The following ADAMTS15 variants were observed in gnomAD, a reference collection of about 807,000 sequenced individuals.
ADAMTS15 encodes ADAM metallopeptidase with thrombospondin type 1 motif 15, also known as A disintegrin and metalloproteinase with thrombospondin motifs 15.
A neutral mutation model predicts 79.1 loss-of-function variants in ADAMTS15; 35 were observed. The ratio of observed to expected loss-of-function variants is 0.44; its 90% CI spans 0.34 to 0.59. ADAMTS15 has a LOEUF of 0.59. ADAMTS15 is among the 20% of genes least tolerant of loss of function. The pLI, the probability that ADAMTS15 is intolerant of heterozygous loss-of-function variation, is 0.02. For missense variants in ADAMTS15, 1,324 were observed against 1,318.7 expected (o/e 1.00, Z -0.06); for synonymous variants, 616 against 567.3 (o/e 1.09, Z -1.22).
intron 1 of ADAMTS15, among the ~76,000 whole-genome samples, chr11:130,453,841 T>C (rs1592143900): frequency 1.3e-5 from 2 of 152,214 alleles, no homozygotes; most frequent in South Asian, 4.1e-4. Flanking sequence ...CAAGAAATTT[T>C]TCCATGTCCT....
rs1938476572 is a variant in ADAMTS15 at position 130,472,341 on chromosome 11, G to A, written c.2079-706G>A. On this transcript the variant is annotated intron_variant, in intron 7 of 7. Transcript: ENST00000299164. This position sits in a 1 kb window ranked among gnomAD's most constrained non-coding sequence, Gnocchi z 4.7. Reference sequence around the variant, plus strand: ...TCTGGGAGCTCGGGCACCAGGGACGGATGGCATTCCAGGCTGTGCTTTGCA... The same window carrying A: ...TCTGGGAGCTCGGGCACCAGGGACGAATGGCATTCCAGGCTGTGCTTTGCA... Among the ~76,000 whole-genome samples, 2 of 152,218 alleles carry A rather than the reference G, an allele frequency of 1.3e-5. No individual in the cohort carries two copies. The highest frequency in any genetic ancestry group is 4.1e-4 in the South Asian group (2 of 4,834).
rs191965698 is a variant in ADAMTS15, at chr11:130,472,673, G to A, written c.2079-374G>A. ...CTGGGATGGTGGACTTACTCCTCCC[G>A]CCCCACCCCTCCTCCTCCTCCTCCT... On this transcript the variant is annotated intron_variant, in intron 7 of 7. Transcript: ENST00000299164. The surrounding 1 kb of genome is among the most constrained non-coding windows in gnomAD (Gnocchi z 4.7). 7.1e-6 allele frequency among the ~76,000 whole-genome samples: 1 copy of A among 141,752 alleles called. No homozygotes were observed. 93.0% of individuals were successfully genotyped at this position (141,752 alleles called of 152,430 possible).
At position 130,448,921 on chromosome 11, in the gene ADAMTS15, G is replaced by A. The variant is rs181223022; in HGVS notation, c.-53G>A. On this transcript the variant is annotated 5_prime_UTR_variant, in exon 1 of 8. Coordinates refer to ENST00000299164, the MANE Select transcript of ADAMTS15 (RefSeq NM_139055.4). ...CTGCACGGAGACCGCGGCAGCGGCC[G>A]GAGAGCCCGGCCCAGCCCCTTCCCA... The A allele has an allele frequency of 0.017, 22,829 of 1,363,430 alleles. 231 individuals are homozygous for A. Among genetic ancestry groups the A allele is most frequent in the Non-Finnish European group, 0.02 (21,002 of 1,041,244 alleles). 84.5% of individuals were successfully genotyped at this position (1,363,430 alleles called of 1,614,324 possible). A position where few individuals can be genotyped will look rare whatever the true frequency, so the allele number is the denominator to read the frequency against.
At chr11:130,452,970 G>C (rs1937994993) in intron 1 of ADAMTS15, among the ~76,000 whole-genome samples, 1 of 130,514 alleles carries the variant, frequency 7.7e-6, no homozygotes, top group African/African-American at 3.2e-5. Context: ...ACAGAGTGAG[G>C]CTCTGTCTCA....
In ADAMTS15 at chr11:130,448,743, A is replaced by G. The variant is rs1192086537; in HGVS notation, c.-231A>G. 6.6e-6 allele frequency among the ~76,000 whole-genome samples: 1 copy of G among 152,154 alleles called. No individual in the cohort carries two copies. The highest frequency in any genetic ancestry group is 1.5e-5 in the Non-Finnish European group (1 of 68,030). ...TTGCACTTGACAGCGATTGTACTTA[A>G]GCTCCCAGGGCGCGCTTTGCTTGGA... On this transcript the variant is annotated 5_prime_UTR_variant, in exon 1 of 8. Transcript: ENST00000299164.
chr11:130,455,212 T>C (rs1938051558), intron 1 of ADAMTS15, among the ~76,000 whole-genome samples: 2 of 152,210 alleles, frequency 1.3e-5, no homozygotes. Flanking sequence ...CCCCCAGTTA[T>C]GGTAGTTATT....
chr11:130,474,907 A>C lies in ADAMTS15; in HGVS notation c.*1086A>C, dbSNP rs540577059. ...TGCCTAGGAGGGCTAGGTGCTGAAC[A>C]TCTATGTGCCTATAAACTCGTCTTC... On this transcript the variant is annotated 3_prime_UTR_variant, in exon 8 of 8. Coordinates refer to ENST00000299164, the MANE Select transcript of ADAMTS15 (RefSeq NM_139055.4). 1.3e-5 allele frequency: 2 copies of C among 152,350 alleles called. No individual in the cohort carries two copies. The highest frequency in any genetic ancestry group is 2.9e-5 in the Non-Finnish European group (2 of 68,132). 9.4% of individuals were successfully genotyped at this position (152,350 alleles called of 1,614,324 possible). A position where few individuals can be genotyped will look rare whatever the true frequency, so the allele number is the denominator to read the frequency against.
intron 5 of ADAMTS15, among the ~76,000 whole-genome samples, chr11:130,470,224 A>T (rs1386562600): frequency 1.2e-4 from 15 of 128,374 alleles, no homozygotes; most frequent in Admixed American, 2.5e-4. Context: ...ATATATATAT[A>T]TTTTCTGAGG....
Position 130,449,601 on chromosome 11 carries a change from G to A in ADAMTS15, c.628G>A (p.Ala210Thr), listed in dbSNP as rs1937917861. ...ESRSRRRSGRAKRFVSIPRYV... is the reference protein window; with the variant it reads ...ESRSRRRSGRTKRFVSIPRYV... ...TCGTAGCCGGCGCAGGTCTGGGCGC[G>A]CCAAGCGTTTCGTGTCTATCCCGCG... Residue 210 changes from alanine (A) to threonine (T), a missense_variant, in exon 1 of 8, where the codon GCC (alanine) becomes ACC (threonine). Transcript: ENST00000299164. The surrounding 1 kb of genome is among the most constrained non-coding windows in gnomAD (Gnocchi z 7.8). 2 of 1,603,714 alleles carry A rather than the reference G, an allele frequency of 1.2e-6. No homozygotes were observed. The highest frequency in any genetic ancestry group is 2.3e-5 in the East Asian group (1 of 44,408).
Position 130,455,373 on chromosome 11 carries a change from A to G in ADAMTS15, c.957+5443A>G, listed in dbSNP as rs563376956. 8.5e-5 allele frequency among the ~76,000 whole-genome samples: 13 copies of G among 152,268 alleles called. No homozygotes were observed. In the South Asian group the frequency reaches 2.3e-3, roughly 27 times the overall value. ...TCAAGTATGCTTAACATTTGGTCCA[A>G]TTTTTGTATGGAAGCTATGGACATC... On this transcript the variant is annotated intron_variant, in intron 1 of 7. Coordinates refer to ENST00000299164, the MANE Select transcript of ADAMTS15 (RefSeq NM_139055.4).
chr11:130,452,604 T>G (rs1937988216), intron 1 of ADAMTS15, among the ~76,000 whole-genome samples: 1 of 152,248 alleles, frequency 6.6e-6, no homozygotes, highest in Non-Finnish European at 1.5e-5. Flanking sequence ...ATTCATTTAT[T>G]TGTACACTCT....
rs1937928211 is a variant in ADAMTS15 at position 130,449,923 on chromosome 11, C to T, written c.950C>T (p.Thr317Ile). 1.9e-6 allele frequency: 3 copies of T among 1,598,618 alleles called. No homozygotes were observed. Among genetic ancestry groups the T allele is most frequent in the African/African-American group, 2.7e-5 (2 of 74,928 alleles). The change falls in exon 1 of 8, where the codon ACC becomes ATC. Residue 317 changes from threonine (T) to isoleucine (I), a missense_variant. Physicochemically the swap from Thr to Ile is moderately conservative, Grantham distance 89 (BLOSUM62 -1). Coordinates refer to ENST00000299164, the MANE Select transcript of ADAMTS15 (RefSeq NM_139055.4). The surrounding 1 kb of genome is among the most constrained non-coding windows in gnomAD (Gnocchi z 7.8). The stretch of plus-strand genomic sequence containing the variant: ...TACTGGGACACTGCCATCCTCTTCA[C>T]CAGGCAGGTGAGTTGATCTGCCGTC... The part of the protein sequence containing the change: ...PEYWDTAILF[T>I]RQDLCGATTC...
chr11:130,449,235 C>A lies in ADAMTS15; in HGVS notation c.262C>A (p.Leu88Ile). The A allele has an allele frequency of 6.2e-7, 1 of 1,613,922 alleles. No individual in the cohort carries two copies. Reference protein sequence around the residue: ...AFSTEHLGVPLQGLTGGSSDL... With the variant: ...AFSTEHLGVPIQGLTGGSSDL... ...CTCCACTGAGCATCTGGGCGTCCCC[C>A]TCCAGGGGCTCACCGGGGGCTCTTC... Residue 88 changes from leucine to isoleucine, a missense_variant, in exon 1 of 8, where the codon CTC (leucine) becomes ATC (isoleucine). By Grantham distance (5) the Leu-to-Ile change is conservative. Coordinates refer to ENST00000299164, the MANE Select transcript of ADAMTS15 (RefSeq NM_139055.4). The surrounding 1 kb of genome is among the most constrained non-coding windows in gnomAD (Gnocchi z 7.8).
intron 7 of ADAMTS15, 39 bp downstream of exon 7, chr11:130,471,422 G>A (rs747585733): frequency 6.3e-7 from 1 of 1,584,016 alleles, no homozygotes; most frequent in Non-Finnish European, 8.5e-7. Context: ...AGGGAGCAAA[G>A]GGAGGGAGGT....
intron 1 of ADAMTS15, among the ~76,000 whole-genome samples, chr11:130,451,055 C>T (rs557621724): frequency 6.6e-6 from 1 of 152,336 alleles, no homozygotes; most frequent in South Asian, 2.1e-4. Flanking sequence ...TGATTGGGCA[C>T]TGAGGAGTAT....
chr11:130,469,972 ATAG>A (rs1213031099), intron 5 of ADAMTS15, among the ~76,000 whole-genome samples: 1 of 151,292 alleles, frequency 6.6e-6, no homozygotes, highest in Non-Finnish European at 1.5e-5. Flanking sequence ...CAAAACTACA[ATAG>A]TAGTAGAAGT....
intron 1 of ADAMTS15, among the ~76,000 whole-genome samples, chr11:130,456,890 A>G (rs1938092191): frequency 6.6e-6 from 1 of 152,178 alleles, no homozygotes; most frequent in Non-Finnish European, 1.5e-5. Flanking sequence ...ACTTCAATGG[A>G]AGCAAAGTCC....
At chr11:130,458,554 G>T (rs1938135131) in intron 1 of ADAMTS15, among the ~76,000 whole-genome samples, 1 of 152,230 alleles carries the variant, frequency 6.6e-6, no homozygotes, top group African/African-American at 2.4e-5. Context: ...GGGGCTGCAT[G>T]CTCTGGGACT....
At position 130,462,980 on chromosome 11, in the gene ADAMTS15, A is replaced by G. The variant is rs1042484736; in HGVS notation, c.1542+200A>G. 2.6e-5 allele frequency among the ~76,000 whole-genome samples: 4 copies of G among 152,240 alleles called. No homozygotes were observed. Among genetic ancestry groups the G allele is most frequent in the African/African-American group, 9.6e-5 (4 of 41,462 alleles). On this transcript the variant is annotated intron_variant, in intron 4 of 7. Coordinates refer to ENST00000299164, the MANE Select transcript of ADAMTS15 (RefSeq NM_139055.4). This position sits in a 1 kb window ranked among gnomAD's most constrained non-coding sequence, Gnocchi z 4.3. ...TTCTTGACTCTAAGACCGGAGAGAA[A>G]AGCTATGGCAGGTCAGAGGACTTGG...
Sources: gnomAD v4.1 joint callset for allele counts (sites outside exome capture counted in the v4.1 genomes callset) on GRCh38, gnomAD v4.1.1 for gene constraint, Gnocchi (gnomAD v3.1) non-coding constraint, MANE v1.5 for transcripts, NCBI Gene and HGNC (gene_info 2026-07-23, HGNC 2026-07-21) for gene names.